DENND4C: variants seen among roughly 807,000 people sequenced by gnomAD.
DENND4C encodes the protein DENN domain-containing protein 4C.
In DENND4C, 108 loss-of-function variants were observed where a neutral mutation model predicts 203.0. The observed-to-expected ratio is 0.53, with a 90% CI of 0.46 to 0.62. The LOEUF (loss-of-function observed/expected upper bound fraction) is 0.62, where lower values mean the gene tolerates loss of function less well. DENND4C is among the 20% of genes least tolerant of loss of function. The pLI, the probability that DENND4C is intolerant of heterozygous loss-of-function variation, is 0.00. For synonymous variants in DENND4C, 871 were observed against 792.4 expected (o/e 1.10, Z -1.67); for missense variants, 2,481 against 2,301.2 (o/e 1.08, Z -1.60).
intron 9 of DENND4C, among the ~76,000 whole-genome samples, chr9:19,301,494 G>A (rs1002793705): frequency 2.0e-5 from 3 of 152,232 alleles, no homozygotes; most frequent in Non-Finnish European, 4.4e-5. Flanking sequence ...AAGAAGTGCT[G>A]TTAGGACTGA....
At chr9:19,350,983 G>C in intron 24 of DENND4C, 104 bp downstream of exon 24, 15 of 1,188,766 alleles carry the variant, frequency 1.3e-5, no homozygotes, top group Non-Finnish European at 1.7e-5. Context: ...GGCTGGTCTC[G>C]AACTCCTGGG....
chr9:19,358,079 A>T lies in DENND4C; in HGVS notation c.5079A>T (p.Pro1693=). The change falls in exon 28 of 33, where the codon CCA becomes CCT. Residue 1693 remains proline (P), a synonymous_variant. Transcript: ENST00000434457. This position sits in a 1 kb window ranked among gnomAD's most constrained non-coding sequence, Gnocchi z 4.8. ...SLTRSHSVGG[P]LQNIDFTQRP... is the part of the protein sequence containing the mutation. ...CTCGAAGTCACAGTGTTGGAGGCCC[A>T]TTGCAGAATATTGACTTTACCCAGC... 6.2e-7 allele frequency: 1 copy of T among 1,613,974 alleles called. No homozygotes were observed. The highest frequency in any genetic ancestry group is 8.5e-7 in the Non-Finnish European group (1 of 1,179,856).
intron 10 of DENND4C, among the ~76,000 whole-genome samples, chr9:19,311,152 C>T (rs978393653): frequency 6.6e-6 from 1 of 152,004 alleles, no homozygotes; most frequent in African/African-American, 2.4e-5. Flanking sequence ...CAGAGTCTTG[C>T]TCTGTCTCCC....
chr9:19,292,288 C>G (rs970501925), intron 5 of DENND4C: 1 of 151,978 alleles, frequency 6.6e-6, no homozygotes, highest in African/African-American at 2.4e-5. Flanking sequence ...CCTCAGCCTC[C>G]CAAAGTCCTG....
intron 1 of DENND4C, among the ~76,000 whole-genome samples, chr9:19,231,534 C>T (rs1421244239): frequency 2.0e-5 from 3 of 151,608 alleles, no homozygotes; most frequent in Admixed American, 2.0e-4. Context: ...TTTAAGAATG[C>T]TGTCACGTCT....
rs758052222 is a variant in DENND4C at position 19,328,096 on chromosome 9, T to C, written c.2187T>C (p.Phe729=). The C allele has an allele frequency of 6.2e-6, 10 of 1,613,818 alleles. No individual in the cohort carries two copies. The Admixed American group carries it at 1.3e-4, about 22-fold the overall frequency. ...FDRPQELKLC[F]SRHPTGNSIT... is the part of the protein sequence containing the mutation. The stretch of plus-strand genomic sequence containing the variant: ...GACCGCAGGAGTTGAAACTTTGTTT[T>C]AGTAGACACCCTACTGGGAATAGCA... The change falls in exon 16 of 33, where the codon TTT becomes TTC. Residue 729 remains phenylalanine (F), a synonymous_variant. Coordinates refer to ENST00000434457, the MANE Select transcript of DENND4C (RefSeq NM_001330640.2).
At chr9:19,246,715 A>G (rs747307872) in intron 1 of DENND4C, among the ~76,000 whole-genome samples, 5 of 150,874 alleles carry the variant, frequency 3.3e-5, no homozygotes, top group Non-Finnish European at 7.4e-5. Flanking sequence ...GTTATCTTCG[A>G]TATTTTTGTT....
chr9:19,349,048 C>G (rs548058352), intron 23 of DENND4C, among the ~76,000 whole-genome samples: 1 of 152,192 alleles, frequency 6.6e-6, no homozygotes, highest in East Asian at 1.9e-4. Context: ...TCAAGTGTTC[C>G]TAGGTCTCCC....
intron 1 of DENND4C, among the ~76,000 whole-genome samples, chr9:19,258,040 C>T (rs749835236): frequency 2.6e-4 from 40 of 152,038 alleles, no homozygotes; most frequent in Non-Finnish European, 4.9e-4. Context: ...AACACTTGAG[C>T]CTGGGAGGTT....
At chr9:19,342,223 A>C (rs913552991) in intron 21 of DENND4C, among the ~76,000 whole-genome samples, 3 of 151,988 alleles carry the variant, frequency 2.0e-5, no homozygotes, top group East Asian at 1.9e-4. Context: ...TTATGAAAAC[A>C]TGGAGGAATA....
intron 1 of DENND4C, among the ~76,000 whole-genome samples, chr9:19,274,659 CTGGTA>C (rs749370950): frequency 6.6e-6 from 1 of 152,170 alleles, no homozygotes; most frequent in Non-Finnish European, 1.5e-5. Flanking sequence ...TATGCTCTAT[CTGGTA>C]TTTTTAGATA....
chr9:19,293,135 T>A (rs184769818), intron 5 of DENND4C, among the ~76,000 whole-genome samples: 1 of 152,330 alleles, frequency 6.6e-6, no homozygotes, highest in Non-Finnish European at 1.5e-5. Context: ...GTAGTAAATA[T>A]AACTGAAAAT....
In DENND4C at chr9:19,316,775, C is replaced by G; in HGVS notation, c.1743C>G (p.Leu581=). 1.2e-6 allele frequency: 2 copies of G among 1,613,976 alleles called. No homozygotes were observed. The highest frequency in any genetic ancestry group is 2.2e-5 in the East Asian group (1 of 44,862). Reference sequence around the variant, plus strand: ...TTTTAAAAGGATATAGAACATATCTCAGACCAATCACAGAGGCTCCTTCAA... The same window carrying G: ...TTTTAAAAGGATATAGAACATATCTGAGACCAATCACAGAGGCTCCTTCAA... ...ASILKGYRTY[L]RPITEAPSNK... is the part of the protein sequence containing the mutation. The change falls in exon 12 of 33, where the codon CTC becomes CTG. Residue 581 remains leucine, a synonymous_variant. Coordinates refer to ENST00000434457, the MANE Select transcript of DENND4C (RefSeq NM_001330640.2).
At chr9:19,243,054 T>C (rs1824167852) in intron 1 of DENND4C, among the ~76,000 whole-genome samples, 2 of 152,158 alleles carry the variant, frequency 1.3e-5, no homozygotes, top group Admixed American at 1.3e-4. Flanking sequence ...CCAGTAGATT[T>C]ACAGTTTTGC....
chr9:19,341,254 T>G, intron 21 of DENND4C, 140 bp downstream of exon 21: 1 of 566,456 alleles, frequency 1.8e-6, no homozygotes, highest in South Asian at 3.7e-5. Context: ...TACTGTTACA[T>G]AAGGTAGATT....
chr9:19,250,028 G>A lies in DENND4C; in HGVS notation c.-18+19195G>A, dbSNP rs61194458. 4.5e-4 allele frequency among the ~76,000 whole-genome samples: 69 copies of A among 152,210 alleles called. No homozygotes were observed. In the East Asian group the frequency reaches 0.012, roughly 27 times the overall value. ...CAAAAGTTATATGTGGCTGGGCGCT[G>A]TAGCTAATACCTGTAATCCAGTGCT... On this transcript the variant is annotated intron_variant, in intron 1 of 32. Coordinates refer to ENST00000434457, the MANE Select transcript of DENND4C (RefSeq NM_001330640.2).
chr9:19,306,193 C>T (rs1839617644), intron 10 of DENND4C, among the ~76,000 whole-genome samples: 1 of 152,130 alleles, frequency 6.6e-6, no homozygotes, highest in Non-Finnish European at 1.5e-5. Flanking sequence ...ATGTTGGTGC[C>T]AACTTCCAGG....
chr9:19,271,800 C>T (rs751246375), intron 1 of DENND4C, among the ~76,000 whole-genome samples: 6 of 147,032 alleles, frequency 4.1e-5, no homozygotes, highest in Non-Finnish European at 6.0e-5. Flanking sequence ...GGGAGGCGAA[C>T]GAAGGTTGCG....
At chr9:19,350,523 TGA>T (rs1162166345) in intron 23 of DENND4C, among the ~76,000 whole-genome samples, 177 bp from the exon 24 acceptor site, 1 of 152,186 alleles carries the variant, frequency 6.6e-6, no homozygotes, top group Non-Finnish European at 1.5e-5. Context: ...GCTTATGGCT[TGA>T]ATGTCTTAGA....
Sources: gnomAD v4.1 joint callset for allele counts (sites outside exome capture counted in the v4.1 genomes callset) on GRCh38, gnomAD v4.1.1 for gene constraint, Gnocchi (gnomAD v3.1) non-coding constraint, MANE v1.5 for transcripts, NCBI Gene and HGNC (gene_info 2026-07-23, HGNC 2026-07-21) for gene names.